The following GARS1 variants were observed in gnomAD, a reference collection of about 807,000 sequenced individuals.
GARS1 encodes the protein glycyl-tRNA synthetase 1, also known as glycine--tRNA ligase.
Under a neutral mutation model 86.4 loss-of-function variants are expected in GARS1, and 46 were observed. That is an observed-to-expected ratio of 0.53 (90% CI 0.42 to 0.68). The LOEUF (loss-of-function observed/expected upper bound fraction) is 0.68. Among genes scored for constraint, GARS1 ranks in the 30% least tolerant of loss-of-function variants. GARS1 has a pLI of 0.00. For synonymous variants in GARS1, 342 were observed against 329.8 expected (o/e 1.04, Z -0.40); for missense variants, 797 against 915.6 (o/e 0.87, Z 1.67).
intron 6 of GARS1, 135 bp downstream of exon 6, chr7:30,603,707 A>G (rs975220658): frequency 1.1e-5 from 8 of 695,690 alleles, no homozygotes; most frequent in Non-Finnish European, 1.8e-5. Flanking sequence ...TCTGTCCTGT[A>G]TAGCGTCTCT....
At chr7:30,598,663 C>T (rs369296761) in intron 1 of GARS1, 133 bp from the exon 2 acceptor site, 6 of 724,498 alleles carry the variant, frequency 8.3e-6, no homozygotes, top group East Asian at 8.3e-5. Context: ...GTATTACAGG[C>T]GTGAGCCACC....
At chr7:30,602,814 C>A (rs746340762) in intron 4 of GARS1, among the ~76,000 whole-genome samples, 4 of 152,162 alleles carry the variant, frequency 2.6e-5, no homozygotes, top group Non-Finnish European at 5.9e-5. Context: ...TTAATGTCTT[C>A]TTTCTTATGG....
At chr7:30,628,504 G>T in intron 13 of GARS1, 56 bp from the exon 14 acceptor site, 1 of 1,281,790 alleles carries the variant, frequency 7.8e-7, no homozygotes, top group South Asian at 1.2e-5. Context: ...GAGAGAATCT[G>T]AAATGCATTA....
chr7:30,595,110 G>C lies in GARS1; in HGVS notation c.189G>C (p.Val63=), dbSNP rs770685104. The part of the protein sequence containing the change: ...SSMDGAGAEE[V]LAPLRLAVRQ... ...TGGACGGCGCGGGGGCTGAGGAGGTGCTGGCACCTCTGAGGCTAGCAGTGC... is the reference window on the plus strand; with the variant it reads ...TGGACGGCGCGGGGGCTGAGGAGGTCCTGGCACCTCTGAGGCTAGCAGTGC... Residue 63 remains valine, a synonymous_variant, in exon 1 of 17, where the codon GTG becomes GTC. Coordinates refer to ENST00000389266, the MANE Select transcript of GARS1 (RefSeq NM_002047.4). 8 of 1,540,552 alleles carry C rather than the reference G, an allele frequency of 5.2e-6. No individual in the cohort carries two copies. In the South Asian group the frequency reaches 9.5e-5, roughly 18 times the overall value.
chr7:30,601,903 C>A (rs1468348261), intron 4 of GARS1, among the ~76,000 whole-genome samples: 5 of 149,254 alleles, frequency 3.3e-5, no homozygotes, highest in South Asian at 2.2e-4. Context: ...CTCAGCCTCC[C>A]AAGTAGCTGG....
chr7:30,630,933 C>T (rs1029933270), intron 14 of GARS1, among the ~76,000 whole-genome samples: 1 of 152,126 alleles, frequency 6.6e-6, no homozygotes, highest in Admixed American at 6.5e-5. Context: ...TTCTTTTGGA[C>T]ATATGTTTGT....
intron 13 of GARS1, among the ~76,000 whole-genome samples, chr7:30,627,918 G>A (rs898048460): frequency 5.3e-5 from 8 of 152,162 alleles, no homozygotes; most frequent in Non-Finnish European, 1.0e-4. Context: ...CTGGGTAGCC[G>A]AGGCAGGTAA....
At chr7:30,612,915 A>T (rs921102247) in intron 8 of GARS1, among the ~76,000 whole-genome samples, 1 of 152,196 alleles carries the variant, frequency 6.6e-6, no homozygotes, top group Non-Finnish European at 1.5e-5. Context: ...TTTATGACTT[A>T]AGTTTTTTGT....
intron 14 of GARS1, among the ~76,000 whole-genome samples, chr7:30,629,191 T>A (rs1047557800): frequency 1.6e-4 from 24 of 151,972 alleles, no homozygotes; most frequent in East Asian, 1.5e-3. Context: ...GGGGTTTTTT[T>A]AAAAAAAATA....
chr7:30,615,095 CTT>C (rs965123798), intron 8 of GARS1, among the ~76,000 whole-genome samples: 2 of 152,180 alleles, frequency 1.3e-5, no homozygotes, highest in Non-Finnish European at 2.9e-5. Context: ...AGAGAAATCT[CTT>C]TGGGAAACCA....
At chr7:30,600,567 C>T (rs746373835) in intron 3 of GARS1, among the ~76,000 whole-genome samples, 8 of 152,150 alleles carry the variant, frequency 5.3e-5, no homozygotes, top group Non-Finnish European at 1.0e-4. Flanking sequence ...TCATAGTCAA[C>T]GGATTATTAC....
At chr7:30,613,789 A>C (rs1350165683) in intron 8 of GARS1, among the ~76,000 whole-genome samples, 2 of 152,220 alleles carry the variant, frequency 1.3e-5, no homozygotes, top group Non-Finnish European at 2.9e-5. Context: ...ATGAGTCAGC[A>C]TCCTCCTGGC....
At chr7:30,619,971 T>G (rs968781874) in intron 10 of GARS1, among the ~76,000 whole-genome samples, 1 of 151,864 alleles carries the variant, frequency 6.6e-6, no homozygotes, top group South Asian at 2.1e-4. Flanking sequence ...AAGACAGGAT[T>G]TCTCCGTGTT....
In GARS1 at chr7:30,632,575, A is replaced by C. The variant is rs996075919; in HGVS notation, c.2094+138A>C. The C allele has an allele frequency of 5.8e-6, 5 of 855,912 alleles. No homozygotes were observed. The African/African-American group carries it at 8.5e-5, about 15-fold the overall frequency. The allele number at this position is 855,912 out of a possible 1,614,324, so 53.0% of individuals were successfully genotyped here. On this transcript the variant is annotated intron_variant, in intron 16 of 16. Transcript: ENST00000389266. The surrounding 1 kb of genome is among the most constrained non-coding windows in gnomAD (Gnocchi z 4.1). ...TTTTAATGAACGGCTTGTATCAGAC[A>C]GAGCCCAGATTCTCAAGTCCCCCGG...
rs766983725 is a variant in GARS1, at chr7:30,632,835, A to G, written c.2094+398A>G. ...TGTATGTATAAGCTTTTCCGTGTTC[A>G]TATATTCAAAACAGTGAATCATGTT... is the stretch of plus-strand genomic sequence containing the variant. On this transcript the variant is annotated intron_variant, in intron 16 of 16. Coordinates refer to ENST00000389266, the MANE Select transcript of GARS1 (RefSeq NM_002047.4). The surrounding 1 kb of genome is among the most constrained non-coding windows in gnomAD (Gnocchi z 4.1). Among the ~76,000 whole-genome samples the G allele has an allele frequency of 2.6e-5, 4 of 152,234 alleles. No homozygotes were observed. The highest frequency in any genetic ancestry group is 4.4e-5 in the Non-Finnish European group (3 of 68,048).
intron 13 of GARS1, chr7:30,627,045 G>GT (rs1333511676): frequency 8.6e-6 from 4 of 466,222 alleles, no homozygotes; most frequent in Admixed American, 4.8e-5. Context: ...TTAAGAAGAT[G>GT]TTTTTTTGTA....
intron 6 of GARS1, among the ~76,000 whole-genome samples, chr7:30,604,242 T>C (rs747566837): frequency 2.0e-5 from 3 of 152,192 alleles, no homozygotes; most frequent in Non-Finnish European, 2.9e-5. Flanking sequence ...GGAAGATGCA[T>C]GTGCTCATGT....
At chr7:30,626,393 G>T in intron 13 of GARS1, 74 bp downstream of exon 13, 1 of 933,786 alleles carries the variant, frequency 1.1e-6, no homozygotes, top group Non-Finnish European at 1.7e-6. Flanking sequence ...ACAGGGTCTT[G>T]CTCTGTCACC....
rs1791419764 is a variant in GARS1 at position 30,603,417 on chromosome 7, T to C, written c.659-79T>C. On this transcript the variant is annotated intron_variant, in intron 5 of 16. Coordinates refer to ENST00000389266, the MANE Select transcript of GARS1 (RefSeq NM_002047.4). ...AGAACTTTATGCTTGGATTTACTTT[T>C]TAATTGTCTAGCATTGAAACTGAAA... 3.4e-6 allele frequency: 4 copies of C among 1,171,130 alleles called. No homozygotes were observed. The Admixed American group carries it at 7.0e-5, about 21-fold the overall frequency. The allele number at this position is 1,171,130 out of a possible 1,614,324, so 72.5% of individuals were successfully genotyped here. A position where few individuals can be genotyped will look rare whatever the true frequency, so the allele number is the denominator to read the frequency against.
Sources: gnomAD v4.1 joint callset for allele counts (sites outside exome capture counted in the v4.1 genomes callset) on GRCh38, gnomAD v4.1.1 for gene constraint, Gnocchi (gnomAD v3.1) non-coding constraint, MANE v1.5 for transcripts, NCBI Gene and HGNC (gene_info 2026-07-23, HGNC 2026-07-21) for gene names.